Variants in GALNT18 observed in about 807,000 individuals in gnomAD.
GALNT18 encodes GalNAc-transferase 18.
In GALNT18, 44 loss-of-function variants were observed where a neutral mutation model predicts 69.5. That is an observed-to-expected ratio of 0.63 (90% CI 0.50 to 0.81). The LOEUF (loss-of-function observed/expected upper bound fraction) is 0.81. Among genes scored for constraint, GALNT18 ranks in the 40% least tolerant of loss-of-function variants. GALNT18 has a pLI of 0.00. For missense variants in GALNT18, 715 were observed against 810.0 expected (o/e 0.88, Z 1.42); for synonymous variants, 364 against 318.2 (o/e 1.14, Z -1.53).
Position 11,616,771 on chromosome 11 carries a change from G to C in GALNT18, c.235+4588C>G, listed in dbSNP as rs1022718380. Among the ~76,000 whole-genome samples, 2 of 152,170 alleles carry C rather than the reference G, an allele frequency of 1.3e-5. No individual in the cohort carries two copies. The highest frequency in any genetic ancestry group is 1.3e-4 in the Admixed American group (2 of 15,282). On this transcript the variant is annotated intron_variant, in intron 1 of 10. Transcript: ENST00000227756. This position sits in a 1 kb window ranked among gnomAD's most constrained non-coding sequence, Gnocchi z 4.4. Reference sequence around the variant, plus strand: ...GTCCACTGGGTTTGTTCTCAAACGTGTTTACACTATTTGTACTTGTCACTG... The same window carrying C: ...GTCCACTGGGTTTGTTCTCAAACGTCTTTACACTATTTGTACTTGTCACTG...
At chr11:11,536,992 G>A (rs1421477129) in intron 1 of GALNT18, among the ~76,000 whole-genome samples, 1 of 152,208 alleles carries the variant, frequency 6.6e-6, no homozygotes, top group East Asian at 1.9e-4. Context: ...GCCATCTCAC[G>A]CAGTTACATT....
chr11:11,574,835 C>G (rs1858880644), intron 1 of GALNT18, among the ~76,000 whole-genome samples: 1 of 152,220 alleles, frequency 6.6e-6, no homozygotes, highest in African/African-American at 2.4e-5. Flanking sequence ...GTATAAATTA[C>G]TCTGAGCGTT....
intron 1 of GALNT18, among the ~76,000 whole-genome samples, chr11:11,492,464 A>T (rs925774198): frequency 6.6e-6 from 1 of 152,278 alleles, no homozygotes. Flanking sequence ...TGCATTCTGC[A>T]CTATTTACAA....
rs555220629 is a variant in GALNT18 at position 11,462,480 on chromosome 11, G to A, written c.236-13544C>T. On this transcript the variant is annotated intron_variant, in intron 1 of 10. Coordinates refer to ENST00000227756, the MANE Select transcript of GALNT18 (RefSeq NM_198516.3). ...TTTATTTTTTATTTTTTTAGTAGTG[G>A]TGGGGTTTCACCATGTTGGCCAGGC... Among the ~76,000 whole-genome samples the A allele has an allele frequency of 7.3e-5, 11 of 151,556 alleles. No individual in the cohort carries two copies. The East Asian group carries it at 1.9e-3, about 27-fold the overall frequency.
At chr11:11,343,284 G>A (rs1850243624) in intron 6 of GALNT18, among the ~76,000 whole-genome samples, 1 of 152,080 alleles carries the variant, frequency 6.6e-6, no homozygotes, top group Non-Finnish European at 1.5e-5. Flanking sequence ...GGAGGTGGAA[G>A]CTGCAGTGAG....
At position 11,553,577 on chromosome 11, in the gene GALNT18, G is replaced by A. The variant is rs567913100; in HGVS notation, c.235+67782C>T. On this transcript the variant is annotated intron_variant, in intron 1 of 10. Coordinates refer to ENST00000227756, the MANE Select transcript of GALNT18 (RefSeq NM_198516.3). ...GAGGGGAGAGGAGGGGTAGTCAGGG[G>A]AGGGAAAATGCCTTCAAAACTCACT... is the stretch of plus-strand genomic sequence containing the variant. Among the ~76,000 whole-genome samples, 128 of 152,300 alleles carry A rather than the reference G, an allele frequency of 8.4e-4. 1 individual carries two copies. Among genetic ancestry groups the A allele is most frequent in the African/African-American group, 3.0e-3 (125 of 41,576 alleles).
chr11:11,460,351 A>C (rs1856012822), intron 1 of GALNT18, among the ~76,000 whole-genome samples: 3 of 152,318 alleles, frequency 2.0e-5, no homozygotes, highest in Middle Eastern at 3.4e-3. Flanking sequence ...TAGTGAGGCA[A>C]AATACCAATA....
At position 11,617,151 on chromosome 11, in the gene GALNT18, A is replaced by AT. The variant is rs1314390359; in HGVS notation, c.235+4207dup. Among the ~76,000 whole-genome samples, 1 of 152,258 alleles carries AT rather than the reference A, an allele frequency of 6.6e-6. No homozygotes were observed. Among genetic ancestry groups the AT allele is most frequent in the Non-Finnish European group, 1.5e-5 (1 of 68,044 alleles). ...ATCCCAAAGACAGAACTTTGGCCTG[A>AT]TATCAAAAGTCTAGCAAATGAATGT... On this transcript the variant is annotated intron_variant, in intron 1 of 10. Coordinates refer to ENST00000227756, the MANE Select transcript of GALNT18 (RefSeq NM_198516.3). This position sits in a 1 kb window ranked among gnomAD's most constrained non-coding sequence, Gnocchi z 4.7.
In GALNT18 at chr11:11,616,663, A is replaced by T. The variant is rs141551226; in HGVS notation, c.235+4696T>A. On this transcript the variant is annotated intron_variant, in intron 1 of 10. Coordinates refer to ENST00000227756, the MANE Select transcript of GALNT18 (RefSeq NM_198516.3). This position sits in a 1 kb window ranked among gnomAD's most constrained non-coding sequence, Gnocchi z 4.4. The stretch of plus-strand genomic sequence containing the variant: ...ATTCTCCAGATTAACTATGCTTGCC[A>T]TTCCCTCTGTAACAAACCCTATTTG... Among the ~76,000 whole-genome samples, 71 of 152,342 alleles carry T rather than the reference A, an allele frequency of 4.7e-4. No individual in the cohort carries two copies. Among genetic ancestry groups the T allele is most frequent in the African/African-American group, 1.7e-3 (71 of 41,582 alleles).
chr11:11,273,977 AG>A (rs1455411669), intron 10 of GALNT18, among the ~76,000 whole-genome samples: 5 of 152,130 alleles, frequency 3.3e-5, no homozygotes, highest in Non-Finnish European at 7.3e-5. Context: ...TTTCCAACTG[AG>A]GGACCTGGTT....
chr11:11,481,889 T>A (rs1027096568), intron 1 of GALNT18, among the ~76,000 whole-genome samples: 1 of 152,172 alleles, frequency 6.6e-6, no homozygotes, highest in African/African-American at 2.4e-5. Flanking sequence ...TCAGGCCCCA[T>A]AGTATTGTTG....
intron 1 of GALNT18, among the ~76,000 whole-genome samples, chr11:11,550,488 C>T (rs1858162563): frequency 6.6e-6 from 1 of 152,200 alleles, no homozygotes; most frequent in Admixed American, 6.5e-5. Flanking sequence ...TCACACAGGG[C>T]TCTTCTGAAA....
rs77823986 is a variant in GALNT18 at position 11,523,468 on chromosome 11, G to A, written c.236-74532C>T. ...CTAATGCTCTTAAAATTCTTACACC[G>A]TGCCACTTTGGGAGGCTGAGGCGGG... On this transcript the variant is annotated intron_variant, in intron 1 of 10. Coordinates refer to ENST00000227756, the MANE Select transcript of GALNT18 (RefSeq NM_198516.3). This position sits in a 1 kb window ranked among gnomAD's most constrained non-coding sequence, Gnocchi z 4.3. Among the ~76,000 whole-genome samples the A allele has an allele frequency of 0.04, 6,048 of 152,070 alleles. 390 individuals carry two copies. The highest frequency in any genetic ancestry group is 0.14 in the African/African-American group (5,648 of 41,472).
chr11:11,427,620 G>C (rs189282072), intron 3 of GALNT18, among the ~76,000 whole-genome samples: 11 of 152,230 alleles, frequency 7.2e-5, no homozygotes, highest in African/African-American at 2.6e-4. Flanking sequence ...AGGAAAATAG[G>C]GTTCGCAGAG....
Position 11,480,383 on chromosome 11 carries a change from T to A in GALNT18, c.236-31447A>T, listed in dbSNP as rs1856499657. On this transcript the variant is annotated intron_variant, in intron 1 of 10. Coordinates refer to ENST00000227756, the MANE Select transcript of GALNT18 (RefSeq NM_198516.3). The surrounding 1 kb of genome is among the most constrained non-coding windows in gnomAD (Gnocchi z 4.6). ...TCTGAGTTCTACTCTGTCCCTTGGATAATGGTGAAATCTATTCATTCTCAG... is the reference window on the plus strand; with the variant it reads ...TCTGAGTTCTACTCTGTCCCTTGGAAAATGGTGAAATCTATTCATTCTCAG... Among the ~76,000 whole-genome samples the A allele has an allele frequency of 6.6e-6, 1 of 152,168 alleles. No homozygotes were observed. Among genetic ancestry groups the A allele is most frequent in the African/African-American group, 2.4e-5 (1 of 41,442 alleles).
intron 1 of GALNT18, among the ~76,000 whole-genome samples, chr11:11,466,011 C>T (rs1856148814): frequency 6.6e-6 from 1 of 152,200 alleles, no homozygotes; most frequent in Non-Finnish European, 1.5e-5. Context: ...CTTCTCAGCT[C>T]TTCTCAATCA....
chr11:11,610,483 C>T (rs1859868051), intron 1 of GALNT18, among the ~76,000 whole-genome samples: 2 of 152,196 alleles, frequency 1.3e-5, no homozygotes, highest in South Asian at 4.1e-4. Flanking sequence ...AATTCTCTTC[C>T]TCTTCCCATT....
intron 1 of GALNT18, among the ~76,000 whole-genome samples, chr11:11,577,896 G>A (rs11021944): frequency 2.6e-5 from 4 of 151,974 alleles, no homozygotes; most frequent in African/African-American, 9.7e-5. Context: ...TGAGAGGGAG[G>A]AATACAGATT....
At position 11,616,844 on chromosome 11, in the gene GALNT18, G is replaced by A. The variant is rs1368098283; in HGVS notation, c.235+4515C>T. Among the ~76,000 whole-genome samples, 2 of 152,040 alleles carry A rather than the reference G, an allele frequency of 1.3e-5. No homozygotes were observed. The highest frequency in any genetic ancestry group is 2.4e-5 in the African/African-American group (1 of 41,360). On this transcript the variant is annotated intron_variant, in intron 1 of 10. Transcript: ENST00000227756. The surrounding 1 kb of genome is among the most constrained non-coding windows in gnomAD (Gnocchi z 4.4). ...ATTATATAAACCAATGAAATATGAC[G>A]GCTAAAAAGATGAGTGTTGTTTCTA...
Sources: gnomAD v4.1 joint callset for allele counts (sites outside exome capture counted in the v4.1 genomes callset) on GRCh38, gnomAD v4.1.1 for gene constraint, Gnocchi (gnomAD v3.1) non-coding constraint, MANE v1.5 for transcripts, NCBI Gene and HGNC (gene_info 2026-07-23, HGNC 2026-07-21) for gene names.